The following SMIM14 variants were observed in gnomAD, a reference collection of about 807,000 sequenced individuals.
The protein encoded by SMIM14 is chromosome 4 open reading frame 34.
A neutral mutation model predicts 12.6 loss-of-function variants in SMIM14; 5 were observed. That is an observed-to-expected ratio of 0.40 (90% CI 0.21 to 0.83). SMIM14 has a LOEUF of 0.83. SMIM14 is among the 40% of genes least tolerant of loss of function. SMIM14 has a pLI of 0.37. For missense variants in SMIM14, 86 were observed against 119.1 expected (o/e 0.72, Z 1.29); for synonymous variants, 30 against 40.1 (o/e 0.75, Z 0.95).
intron 2 of SMIM14, among the ~76,000 whole-genome samples, chr4:39,603,718 T>C (rs1560300918): frequency 6.6e-6 from 1 of 151,994 alleles, no homozygotes; most frequent in African/African-American, 2.4e-5. Context: ...TTTTCAGAAA[T>C]GCTTTACATA....
At chr4:39,631,247 G>T (rs915399657) in intron 1 of SMIM14, among the ~76,000 whole-genome samples, 2 of 151,266 alleles carry the variant, frequency 1.3e-5, no homozygotes, top group Admixed American at 6.6e-5. Context: ...CACAAGAATC[G>T]CTTGAACTCG....
At chr4:39,630,901 A>AAAGC (rs970502446) in intron 1 of SMIM14, among the ~76,000 whole-genome samples, 4 of 152,054 alleles carry the variant, frequency 2.6e-5, no homozygotes, top group Non-Finnish European at 4.4e-5. Context: ...GAAAGAAAGA[A>AAAGC]AAGCAAGCAA....
intron 2 of SMIM14, chr4:39,593,000 C>T (rs1294997166): frequency 6.6e-6 from 1 of 151,826 alleles, no homozygotes; most frequent in African/African-American, 2.4e-5. Context: ...ACCATTCCTT[C>T]TGAAACTATT....
chr4:39,614,747 G>A (rs960976915), intron 1 of SMIM14, among the ~76,000 whole-genome samples: 3 of 152,142 alleles, frequency 2.0e-5, no homozygotes, highest in Non-Finnish European at 2.9e-5. Context: ...TGGTTTATAA[G>A]TGACTTTCTA....
At chr4:39,621,997 A>T (rs752152109) in intron 1 of SMIM14, among the ~76,000 whole-genome samples, 1 of 151,688 alleles carries the variant, frequency 6.6e-6, no homozygotes, top group African/African-American at 2.4e-5. Flanking sequence ...TTCTTTCTTA[A>T]TAATATGGAG....
chr4:39,610,914 A>C (rs1019926049), intron 1 of SMIM14, among the ~76,000 whole-genome samples: 2 of 152,124 alleles, frequency 1.3e-5, no homozygotes, highest in African/African-American at 4.8e-5. Flanking sequence ...TATAGAATAT[A>C]AGTCCAAGAA....
intron 3 of SMIM14, among the ~76,000 whole-genome samples, chr4:39,565,080 T>C (rs535803197): frequency 6.6e-6 from 1 of 152,208 alleles, no homozygotes; most frequent in Admixed American, 6.6e-5. Context: ...CAGCCAAGTG[T>C]GGTGGCACAC....
chr4:39,552,499 A>AT, intron 4 of SMIM14, among the ~76,000 whole-genome samples: 2 of 152,312 alleles, frequency 1.3e-5, no homozygotes, highest in East Asian at 3.9e-4. Context: ...AACCTATGAA[A>AT]ATATCTTCAT....
intron 2 of SMIM14, among the ~76,000 whole-genome samples, chr4:39,588,255 C>CT (rs1353137251): frequency 2.6e-5 from 4 of 151,960 alleles, no homozygotes; most frequent in Non-Finnish European, 4.4e-5. Context: ...ACACAAGAAA[C>CT]TGTCGGCTGA....
chr4:39,612,468 G>A (rs1181642347), intron 1 of SMIM14, among the ~76,000 whole-genome samples: 4 of 152,032 alleles, frequency 2.6e-5, no homozygotes, highest in African/African-American at 7.2e-5. Context: ...CCTTAGTCCC[G>A]ATGTATATCC....
chr4:39,636,662 G>A (rs541151462), intron 1 of SMIM14, among the ~76,000 whole-genome samples: 63 of 151,634 alleles, frequency 4.2e-4, no homozygotes, highest in Non-Finnish European at 8.8e-4. Flanking sequence ...ACAACACAGT[G>A]AGATCTCGTC....
chr4:39,620,769 C>G (rs1275084663), intron 1 of SMIM14, among the ~76,000 whole-genome samples: 1 of 152,190 alleles, frequency 6.6e-6, no homozygotes, highest in African/African-American at 2.4e-5. Flanking sequence ...CCTGATGACC[C>G]TGTGTTAAAT....
intron 1 of SMIM14, among the ~76,000 whole-genome samples, chr4:39,608,880 T>C (rs1714912673): frequency 6.6e-6 from 1 of 152,210 alleles, no homozygotes; most frequent in Non-Finnish European, 1.5e-5. Context: ...TGCTAATGTG[T>C]ATAGGATCTT....
intron 1 of SMIM14, 64 bp downstream of exon 1, chr4:39,638,674 AG>A: frequency 1.0e-6 from 1 of 983,824 alleles, no homozygotes; most frequent in Admixed American, 6.1e-5. Flanking sequence ...AGGAGCCCCC[AG>A]GAAAAACTGG....
At chr4:39,614,852 CA>C (rs1715161503) in intron 1 of SMIM14, among the ~76,000 whole-genome samples, 1 of 152,074 alleles carries the variant, frequency 6.6e-6, no homozygotes, top group South Asian at 2.1e-4. Flanking sequence ...GTTGGGAAGG[CA>C]AAAAGCAATT....
At chr4:39,635,949 G>A (rs1186639501) in intron 1 of SMIM14, among the ~76,000 whole-genome samples, 1 of 152,008 alleles carries the variant, frequency 6.6e-6, no homozygotes, top group Non-Finnish European at 1.5e-5. Context: ...AAGGTGGGCA[G>A]ATCACTTGAG....
At chr4:39,598,123 A>G (rs917623916) in intron 2 of SMIM14, among the ~76,000 whole-genome samples, 4 of 152,030 alleles carry the variant, frequency 2.6e-5, no homozygotes, top group Admixed American at 6.6e-5. Flanking sequence ...TTAGACAGCA[A>G]CTCTCGTGGT....
At chr4:39,576,684 ATTTTTTTTTTTTTTTTT>A (rs574142564) in intron 2 of SMIM14, among the ~76,000 whole-genome samples, 261 of 25,440 alleles carry the variant, frequency 0.01, 7 homozygotes, top group African/African-American at 0.036. Flanking sequence ...ATATATATAT[ATTTTTTTTTTTTTTTTT>A]TTTTTTTTTT....
At chr4:39,596,323 G>A (rs548200923) in intron 2 of SMIM14, among the ~76,000 whole-genome samples, 33 of 152,168 alleles carry the variant, frequency 2.2e-4, no homozygotes, top group African/African-American at 6.7e-4. Context: ...TCGAACTCCC[G>A]ACCTCAGGTG....
Sources: allele counts gnomAD v4.1 joint callset (sites outside exome capture counted in the v4.1 genomes callset), GRCh38; gene constraint gnomAD v4.1.1; transcripts MANE v1.5; gene names NCBI Gene and HGNC (gene_info 2026-07-23, HGNC 2026-07-21).